The following TAFA5 variants were observed in gnomAD, a reference collection of about 807,000 sequenced individuals.
TAFA5 encodes chemokine-like protein TAFA-5.
A neutral mutation model predicts 15.3 loss-of-function variants in TAFA5; 6 were observed. The ratio of observed to expected loss-of-function variants is 0.39; its 90% CI spans 0.21 to 0.77. TAFA5 has a LOEUF of 0.77. Among genes scored for constraint, TAFA5 ranks in the 30% least tolerant of loss-of-function variants. The probability of loss-of-function intolerance (pLI) is 0.41; values close to 1 mark genes in which losing one functional copy is unlikely to be tolerated. For missense variants in TAFA5, 161 were observed against 193.1 expected (o/e 0.83, Z 0.98); for synonymous variants, 103 against 80.7 (o/e 1.28, Z -1.48).
intron 3 of TAFA5, among the ~76,000 whole-genome samples, chr22:48,739,328 T>G (rs1930115996): frequency 6.6e-6 from 1 of 152,230 alleles, no homozygotes; most frequent in African/African-American, 2.4e-5. Context: ...TTCTTACAGC[T>G]TAGCAACTTG....
chr22:48,559,820 G>T (rs894596486), intron 1 of TAFA5, among the ~76,000 whole-genome samples: 7 of 152,166 alleles, frequency 4.6e-5, no homozygotes, highest in African/African-American at 1.7e-4. Flanking sequence ...GGGGATGGAG[G>T]AAGGGATGCA....
intron 1 of TAFA5, among the ~76,000 whole-genome samples, chr22:48,510,812 GT>G (rs1263950093): frequency 6.6e-6 from 1 of 152,268 alleles, no homozygotes; most frequent in Non-Finnish European, 1.5e-5. Flanking sequence ...CGTTCCTGCT[GT>G]TTCCTGACCT....
chr22:48,710,584 G>C (rs960531913), intron 3 of TAFA5, among the ~76,000 whole-genome samples: 3 of 152,202 alleles, frequency 2.0e-5, no homozygotes, highest in African/African-American at 7.2e-5. Context: ...GGCCAGCATG[G>C]CTTCTGTGTG....
At chr22:48,583,104 CCACACGCCACACACACAT>C (rs1413285619) in intron 1 of TAFA5, among the ~76,000 whole-genome samples, 11 of 149,798 alleles carry the variant, frequency 7.3e-5, no homozygotes, top group South Asian at 2.1e-4. Context: ...ACAAAATACA[CCACACGCCACACACACAT>C]CACACGCCAC....
rs1416939780 is a variant in TAFA5, at chr22:48,667,315, C to G, written c.262+20569C>G. ...CGGTGTGATGATTTACCTGTCTGTTCCCTTTCACCCAGGAGAACAGAGCAT... is the reference window on the plus strand; with the variant it reads ...CGGTGTGATGATTTACCTGTCTGTTGCCTTTCACCCAGGAGAACAGAGCAT... On this transcript the variant is annotated intron_variant, in intron 2 of 3. Transcript: ENST00000402357. Among the ~76,000 whole-genome samples, 4 of 150,888 alleles carry G rather than the reference C, an allele frequency of 2.7e-5. No homozygotes were observed. In the East Asian group the frequency reaches 6.0e-4, roughly 22 times the overall value.
intron 3 of TAFA5, among the ~76,000 whole-genome samples, chr22:48,744,927 T>C (rs1895912903): frequency 6.6e-6 from 1 of 152,150 alleles, no homozygotes. Context: ...GGCCTGCTTT[T>C]GTACTTTTAG....
intron 1 of TAFA5, among the ~76,000 whole-genome samples, chr22:48,630,590 G>A (rs535106817): frequency 1.6e-4 from 24 of 152,298 alleles, no homozygotes; most frequent in Middle Eastern, 3.4e-3. Flanking sequence ...AATTGGTGGG[G>A]CCAGGTGGAC....
chr22:48,588,332 G>T (rs1924435261), intron 1 of TAFA5, among the ~76,000 whole-genome samples: 1 of 152,202 alleles, frequency 6.6e-6, no homozygotes, highest in South Asian at 2.1e-4. Context: ...GAAATGCAAG[G>T]GCAGAAAGTG....
chr22:48,511,406 T>A (rs1216287720), intron 1 of TAFA5, among the ~76,000 whole-genome samples: 1 of 152,128 alleles, frequency 6.6e-6, no homozygotes, highest in Non-Finnish European at 1.5e-5. Context: ...GGGCTGTGCG[T>A]CTGCAGGGAG....
chr22:48,634,672 GTCAC>G (rs1183810738), intron 1 of TAFA5, among the ~76,000 whole-genome samples: 2 of 141,870 alleles, frequency 1.4e-5, no homozygotes, highest in East Asian at 2.0e-4. Flanking sequence ...CACTCACTGA[GTCAC>G]TCAGTCAATC....
intron 1 of TAFA5, among the ~76,000 whole-genome samples, chr22:48,531,038 G>A (rs1009593936): frequency 4.5e-4 from 68 of 152,092 alleles, no homozygotes; most frequent in Admixed American, 1.5e-3. Flanking sequence ...CTGGTCATGG[G>A]TGTGTGGACC....
At chr22:48,526,063 G>T (rs1020599547) in intron 1 of TAFA5, among the ~76,000 whole-genome samples, 1 of 152,222 alleles carries the variant, frequency 6.6e-6, no homozygotes, top group Non-Finnish European at 1.5e-5. Context: ...ATCCTTTCCT[G>T]GGTGGTCTCA....
intron 3 of TAFA5, among the ~76,000 whole-genome samples, chr22:48,743,633 C>T (rs1233242472): frequency 3.9e-5 from 6 of 152,150 alleles, no homozygotes; most frequent in East Asian, 1.9e-4. Flanking sequence ...GTCCTCATTC[C>T]GGCGTACCAC....
intron 1 of TAFA5, among the ~76,000 whole-genome samples, chr22:48,608,500 G>A (rs1214258042): frequency 6.6e-6 from 1 of 152,088 alleles, no homozygotes; most frequent in Non-Finnish European, 1.5e-5. Context: ...ACGTGGATTG[G>A]TGTCCATGTA....
chr22:48,617,969 G>A (rs1041673328), intron 1 of TAFA5, among the ~76,000 whole-genome samples: 2 of 152,188 alleles, frequency 1.3e-5, no homozygotes, highest in African/African-American at 4.8e-5. Flanking sequence ...CCACATGGGC[G>A]CGGTTTTTAT....
At chr22:48,709,094 CTCT>C (rs1447232132) in intron 3 of TAFA5, among the ~76,000 whole-genome samples, 1 of 152,190 alleles carries the variant, frequency 6.6e-6, no homozygotes, top group Non-Finnish European at 1.5e-5. Context: ...TCTCAGGGAC[CTCT>C]TGCATTTGTG....
chr22:48,613,124 T>G (rs1001453793), intron 1 of TAFA5, among the ~76,000 whole-genome samples: 1 of 152,232 alleles, frequency 6.6e-6, no homozygotes, highest in Non-Finnish European at 1.5e-5. Context: ...GGGAATATGC[T>G]AACATCAATG....
chr22:48,734,999 G>A (rs543823213), intron 3 of TAFA5, among the ~76,000 whole-genome samples: 61 of 152,362 alleles, frequency 4.0e-4, no homozygotes, highest in African/African-American at 1.3e-3. Flanking sequence ...AGAACGCTGC[G>A]ATTGTAAACT....
At chr22:48,509,128 C>T (rs146728492) in intron 1 of TAFA5, among the ~76,000 whole-genome samples, 13 of 152,336 alleles carry the variant, frequency 8.5e-5, no homozygotes, top group Non-Finnish European at 1.3e-4. Context: ...CCTGCAGCTG[C>T]GAATGACAGG....
Sources: gnomAD v4.1 joint callset for allele counts (sites outside exome capture counted in the v4.1 genomes callset) on GRCh38, gnomAD v4.1.1 for gene constraint, MANE v1.5 for transcripts, NCBI Gene and HGNC (gene_info 2026-07-23, HGNC 2026-07-21) for gene names.